Variants in ANO6 observed in about 807,000 individuals in gnomAD.
ANO6 encodes the protein anoctamin-6.
ANO6 carries 106 observed loss-of-function variants against 117.5 expected under a neutral mutation model. The ratio of observed to expected loss-of-function variants is 0.90; its 90% CI spans 0.77 to 1.06. The LOEUF is 1.06. Among genes scored for constraint, ANO6 ranks in the 50% least tolerant of loss-of-function variants. ANO6 has a pLI of 0.00. For missense variants in ANO6, 955 were observed against 1,121.1 expected (o/e 0.85, Z 2.12); for synonymous variants, 367 against 385.1 (o/e 0.95, Z 0.55).
At chr12:45,415,337 A>G (rs1045298381) in intron 16 of ANO6, among the ~76,000 whole-genome samples, 1 of 152,184 alleles carries the variant, frequency 6.6e-6, no homozygotes, top group Non-Finnish European at 1.5e-5. Flanking sequence ...GATTTTTAAC[A>G]AGGTTTACTG....
intron 2 of ANO6, among the ~76,000 whole-genome samples, chr12:45,321,683 G>A (rs1173491497): frequency 1.3e-5 from 2 of 151,998 alleles, no homozygotes; most frequent in Non-Finnish European, 2.9e-5. Context: ...CTAAATACTC[G>A]TCTGTGTAAC....
intron 1 of ANO6, among the ~76,000 whole-genome samples, chr12:45,271,162 T>G (rs982055920): frequency 6.6e-6 from 1 of 152,208 alleles, no homozygotes; most frequent in African/African-American, 2.4e-5. Flanking sequence ...GACAAAATAA[T>G]GAAAACAAGA....
intron 1 of ANO6, among the ~76,000 whole-genome samples, chr12:45,241,521 G>C (rs1166788435): frequency 6.6e-6 from 1 of 152,168 alleles, no homozygotes; most frequent in Non-Finnish European, 1.5e-5. Flanking sequence ...AGAGAAGTTT[G>C]TTATTACCGA....
At chr12:45,304,272 C>T (rs1258240370) in intron 2 of ANO6, among the ~76,000 whole-genome samples, 1 of 152,174 alleles carries the variant, frequency 6.6e-6, no homozygotes, top group Admixed American at 6.5e-5. Context: ...TTAAGCTCAG[C>T]TCTTTTTGTA....
chr12:45,389,287 C>T (rs1482663386), intron 11 of ANO6, among the ~76,000 whole-genome samples: 2 of 151,996 alleles, frequency 1.3e-5, no homozygotes, highest in African/African-American at 2.4e-5. Context: ...TCAAATAATC[C>T]CCATTATGAA....
intron 2 of ANO6, among the ~76,000 whole-genome samples, chr12:45,310,861 T>G (rs920090067): frequency 6.6e-6 from 1 of 151,854 alleles, no homozygotes; most frequent in Non-Finnish European, 1.5e-5. Context: ...TAGGCTAAAT[T>G]CCCATAAATG....
At chr12:45,240,248 T>C (rs930184817) in intron 1 of ANO6, among the ~76,000 whole-genome samples, 6 of 152,144 alleles carry the variant, frequency 3.9e-5, no homozygotes, top group African/African-American at 1.4e-4. Flanking sequence ...TAGTTCTTCT[T>C]GTTGAATTGA....
In ANO6 at chr12:45,324,203, G is replaced by A. The variant is rs138577141; in HGVS notation, c.151-7092G>A. Among the ~76,000 whole-genome samples the A allele has an allele frequency of 4.5e-4, 68 of 152,224 alleles. No homozygotes were observed. In the East Asian group the frequency reaches 0.012, roughly 26 times the overall value. ...CCACCTCGACCTCCCAAAGTGCTGG[G>A]ATTACAGGCGTGAGTCACCACGCTT... On this transcript the variant is annotated intron_variant, in intron 2 of 19. Transcript: ENST00000320560.
intron 1 of ANO6, among the ~76,000 whole-genome samples, chr12:45,230,230 A>T (rs1214019637): frequency 1.3e-5 from 2 of 152,132 alleles, no homozygotes; most frequent in Non-Finnish European, 2.9e-5. Flanking sequence ...GTAGGCAATC[A>T]GTAAGTTTTT....
In ANO6 at chr12:45,399,327, C is replaced by A. The variant is rs1020684845; in HGVS notation, c.1387-2468C>A. Among the ~76,000 whole-genome samples the A allele has an allele frequency of 4.6e-5, 7 of 152,140 alleles. No homozygotes were observed. The East Asian group carries it at 7.7e-4, about 17-fold the overall frequency. Reference sequence around the variant, plus strand: ...TCTCCTGTCTCAGCCTCCCCAGTAGCTGGGATTACAGGCACCTGCCACCAC... The same window carrying A: ...TCTCCTGTCTCAGCCTCCCCAGTAGATGGGATTACAGGCACCTGCCACCAC... On this transcript the variant is annotated intron_variant, in intron 12 of 19. Transcript: ENST00000320560.
intron 11 of ANO6, 87 bp downstream of exon 11, chr12:45,388,390 G>C: frequency 6.4e-7 from 1 of 1,553,340 alleles, no homozygotes; most frequent in Non-Finnish European, 8.9e-7. Context: ...ACTTGGGGGA[G>C]CTTAAAAAAT....
At chr12:45,419,381 AG>A (rs1219546945) in intron 17 of ANO6, among the ~76,000 whole-genome samples, 7 of 152,242 alleles carry the variant, frequency 4.6e-5, no homozygotes, top group Non-Finnish European at 1.0e-4. Flanking sequence ...GATATAGTTG[AG>A]TTAAATGATA....
At chr12:45,311,152 T>G (rs529104885) in intron 2 of ANO6, among the ~76,000 whole-genome samples, 113 of 152,204 alleles carry the variant, frequency 7.4e-4, no homozygotes, top group Non-Finnish European at 1.4e-3. Context: ...GGTGACAGCA[T>G]GCTTATCTGG....
At chr12:45,351,091 C>G (rs1941268916) in intron 7 of ANO6, among the ~76,000 whole-genome samples, 1 of 152,182 alleles carries the variant, frequency 6.6e-6, no homozygotes, top group African/African-American at 2.4e-5. Flanking sequence ...CACAAACTCT[C>G]TAGAGGTCCA....
chr12:45,304,772 A>G (rs758012438), intron 2 of ANO6, among the ~76,000 whole-genome samples: 1 of 152,148 alleles, frequency 6.6e-6, no homozygotes, highest in Non-Finnish European at 1.5e-5. Flanking sequence ...TGCCAGTTGA[A>G]TAGTCTTGGC....
At chr12:45,277,658 C>T (rs1938597065) in intron 1 of ANO6, among the ~76,000 whole-genome samples, 1 of 152,056 alleles carries the variant, frequency 6.6e-6, no homozygotes, top group South Asian at 2.1e-4. Context: ...TCTGACAATG[C>T]TTGTATTTTT....
At chr12:45,320,038 A>G (rs961911515) in intron 2 of ANO6, among the ~76,000 whole-genome samples, 4 of 152,042 alleles carry the variant, frequency 2.6e-5, no homozygotes, top group Non-Finnish European at 5.9e-5. Context: ...CTAGCGGTCT[A>G]TCAGTTTTGT....
At chr12:45,217,178 G>A (rs1947328741) in intron 1 of ANO6, among the ~76,000 whole-genome samples, 2 of 152,070 alleles carry the variant, frequency 1.3e-5, no homozygotes, top group African/African-American at 4.8e-5. Flanking sequence ...AGGTGAGGAA[G>A]GGGAAAGGAA....
At chr12:45,257,059 C>T (rs1937859742) in intron 1 of ANO6, among the ~76,000 whole-genome samples, 1 of 151,864 alleles carries the variant, frequency 6.6e-6, no homozygotes, top group Admixed American at 6.6e-5. Context: ...AAAAAAAAAT[C>T]ATTCTTTCCA....
Sources: allele counts gnomAD v4.1 joint callset (sites outside exome capture counted in the v4.1 genomes callset), GRCh38; gene constraint gnomAD v4.1.1; transcripts MANE v1.5; gene names NCBI Gene and HGNC (gene_info 2026-07-23, HGNC 2026-07-21).